The following PTPRD variants were observed in gnomAD, a reference collection of about 807,000 sequenced individuals.
The protein encoded by PTPRD is protein tyrosine phosphatase receptor type D.
Under a neutral mutation model 214.5 loss-of-function variants are expected in PTPRD, and 34 were observed. That is an observed-to-expected ratio of 0.16 (90% CI 0.12 to 0.21). PTPRD has a LOEUF of 0.21. PTPRD is among the 10% of genes least tolerant of loss of function. The pLI, the probability that PTPRD is intolerant of heterozygous loss-of-function variation, is 1.00. For synonymous variants in PTPRD, 1,128 were observed against 845.7 expected (o/e 1.33, Z -5.79); for missense variants, 2,545 against 2,398.7 (o/e 1.06, Z -1.27).
At position 9,489,098 on chromosome 9, in the gene PTPRD, T is replaced by C. The variant is rs894077869; in HGVS notation, c.-237+85634A>G. 3.3e-5 allele frequency among the ~76,000 whole-genome samples: 5 copies of C among 152,038 alleles called. No homozygotes were observed. The South Asian group carries it at 6.2e-4, about 19-fold the overall frequency. On this transcript the variant is annotated intron_variant, in intron 8 of 45. Coordinates refer to ENST00000381196, the MANE Select transcript of PTPRD (RefSeq NM_002839.4). ...CCATTTTTCTCTTTTAAAAGCCTTA[T>C]GAAAAGATTAGGGCATTCATAAATA...
chr9:10,528,731 C>T (rs1243574909), intron 2 of PTPRD, among the ~76,000 whole-genome samples: 1 of 152,140 alleles, frequency 6.6e-6, no homozygotes, highest in Non-Finnish European at 1.5e-5. Flanking sequence ...ATCCTGACTT[C>T]TTCTGAAGGC....
In PTPRD at chr9:10,271,740, A is replaced by G. The variant is rs570976653; in HGVS notation, c.-545+69223T>C. 2.6e-5 allele frequency among the ~76,000 whole-genome samples: 4 copies of G among 151,904 alleles called. No homozygotes were observed. In the South Asian group the frequency reaches 6.3e-4, roughly 24 times the overall value. ...GTGTTTTTAGTAGAGATGAGGTTTCACCATGTTGGCCAGGCTGGTCTCGAA... is the reference window on the plus strand; with the variant it reads ...GTGTTTTTAGTAGAGATGAGGTTTCGCCATGTTGGCCAGGCTGGTCTCGAA... On this transcript the variant is annotated intron_variant, in intron 3 of 45. Transcript: ENST00000381196.
At chr9:10,600,410 T>C (rs2077665938) in intron 2 of PTPRD, among the ~76,000 whole-genome samples, 1 of 151,756 alleles carries the variant, frequency 6.6e-6, no homozygotes, top group Non-Finnish European at 1.5e-5. Context: ...GTACACCCAA[T>C]TTCTTAAGAT....
At chr9:9,704,529 C>T (rs2097562529) in intron 7 of PTPRD, among the ~76,000 whole-genome samples, 1 of 152,152 alleles carries the variant, frequency 6.6e-6, no homozygotes, top group African/African-American at 2.4e-5. Context: ...GGGTCCAATT[C>T]CCCTTACCTT....
At chr9:8,838,616 A>ATT (rs374424763) in intron 11 of PTPRD, among the ~76,000 whole-genome samples, 2 of 149,878 alleles carry the variant, frequency 1.3e-5, no homozygotes, top group African/African-American at 2.4e-5. Flanking sequence ...AGTTTGACAG[A>ATT]TTTTTTTTTT....
intron 11 of PTPRD, among the ~76,000 whole-genome samples, chr9:8,982,017 A>G (rs2154340871): frequency 6.6e-6 from 1 of 152,182 alleles, no homozygotes; most frequent in African/African-American, 2.4e-5. Flanking sequence ...AAGTTAAGGT[A>G]TGGGTAAGAA....
chr9:8,386,976 G>C lies in PTPRD; in HGVS notation c.4386+2256C>G, dbSNP rs2087319120. ...TGGACTGGAGAACAAAGGACTTTTG[G>C]GCCTTGGGGTCCAGGGCTCATGTGT... On this transcript the variant is annotated intron_variant, in intron 37 of 45. Coordinates refer to ENST00000381196, the MANE Select transcript of PTPRD (RefSeq NM_002839.4). 2.0e-5 allele frequency among the ~76,000 whole-genome samples: 3 copies of C among 152,052 alleles called. No homozygotes were observed. In the East Asian group the frequency reaches 5.8e-4, roughly 29 times the overall value.
chr9:9,867,175 G>T (rs76795218), intron 5 of PTPRD, among the ~76,000 whole-genome samples: 1,843 of 152,164 alleles, frequency 0.012, 37 homozygotes, highest in African/African-American at 0.042. Flanking sequence ...AACTGGTAAG[G>T]ATTAAGGATT....
At chr9:10,137,468 G>A (rs1244318364) in intron 3 of PTPRD, among the ~76,000 whole-genome samples, 1 of 55,398 alleles carries the variant, frequency 1.8e-5, no homozygotes, top group African/African-American at 8.0e-5. Context: ...ACCAAACACC[G>A]CATATTCTCA....
At chr9:10,247,023 T>C (rs2092222349) in intron 3 of PTPRD, among the ~76,000 whole-genome samples, 1 of 152,154 alleles carries the variant, frequency 6.6e-6, no homozygotes, top group African/African-American at 2.4e-5. Flanking sequence ...TAACTTTGTT[T>C]AAAAATACAG....
intron 9 of PTPRD, among the ~76,000 whole-genome samples, chr9:9,220,143 A>C (rs1194010220): frequency 1.3e-5 from 2 of 152,080 alleles, no homozygotes; most frequent in Non-Finnish European, 2.9e-5. Context: ...ATTTGGATGA[A>C]AATAAATCAT....
At chr9:9,376,895 T>C (rs114052083) in intron 9 of PTPRD, among the ~76,000 whole-genome samples, 1,649 of 151,922 alleles carry the variant, frequency 0.011, 33 homozygotes, top group African/African-American at 0.038. Context: ...CCCATCTTAA[T>C]AGACACTAAG....
intron 35 of PTPRD, among the ~76,000 whole-genome samples, chr9:8,423,027 G>C (rs940428187): frequency 6.6e-6 from 1 of 152,150 alleles, no homozygotes; most frequent in Non-Finnish European, 1.5e-5. Context: ...CTCGACCTAA[G>C]CCTGCAGGGA....
At chr9:8,791,153 T>C (rs993482813) in intron 11 of PTPRD, among the ~76,000 whole-genome samples, 7 of 152,138 alleles carry the variant, frequency 4.6e-5, no homozygotes, top group African/African-American at 1.7e-4. Flanking sequence ...GAAATTAAAA[T>C]GGTAAACATG....
Position 9,167,029 on chromosome 9 carries a change from A to T in PTPRD, c.-143+16275T>A, listed in dbSNP as rs115336372. 3.4e-3 allele frequency among the ~76,000 whole-genome samples: 513 copies of T among 152,144 alleles called. 5 individuals carry two copies. The highest frequency in any genetic ancestry group is 0.011 in the African/African-American group (470 of 41,518). Reference sequence around the variant, plus strand: ...ACTAAGTCTTATCTTAATCATTTCAACTCAGTGAGAAAAAAAACTAAAGCC... The same window carrying T: ...ACTAAGTCTTATCTTAATCATTTCATCTCAGTGAGAAAAAAAACTAAAGCC... On this transcript the variant is annotated intron_variant, in intron 10 of 45. Transcript: ENST00000381196.
chr9:10,452,478 A>G (rs1163312154), intron 2 of PTPRD, among the ~76,000 whole-genome samples: 2 of 151,760 alleles, frequency 1.3e-5, no homozygotes, highest in Non-Finnish European at 3.0e-5. Flanking sequence ...CACTCTCACC[A>G]AAACTTGTTA....
At chr9:9,243,112 A>C (rs2099971215) in intron 9 of PTPRD, among the ~76,000 whole-genome samples, 1 of 152,048 alleles carries the variant, frequency 6.6e-6, no homozygotes, top group Admixed American at 6.6e-5. Context: ...TCAACACCAG[A>C]CCCTGTTTGC....
At position 9,921,384 on chromosome 9, in the gene PTPRD, A is replaced by C. The variant is rs140255101; in HGVS notation, c.-368+17123T>G. 3.0e-3 allele frequency among the ~76,000 whole-genome samples: 459 copies of C among 152,160 alleles called. 4 individuals are homozygous for C. Among genetic ancestry groups the C allele is most frequent in the African/African-American group, 0.01 (421 of 41,554 alleles). On this transcript the variant is annotated intron_variant, in intron 5 of 45. Transcript: ENST00000381196. ...TTAATTAAGAATGTGTCCTTAATTCATTCCTAACATAAATTCTCACATGAA... is the reference window on the plus strand; with the variant it reads ...TTAATTAAGAATGTGTCCTTAATTCCTTCCTAACATAAATTCTCACATGAA...
At chr9:9,293,912 T>A (rs556497859) in intron 9 of PTPRD, among the ~76,000 whole-genome samples, 1 of 151,766 alleles carries the variant, frequency 6.6e-6, no homozygotes, top group African/African-American at 2.4e-5. Flanking sequence ...CAGTTTTTTT[T>A]AAACCTAAAG....
Sources: gnomAD v4.1 joint callset for allele counts (sites outside exome capture counted in the v4.1 genomes callset) on GRCh38, gnomAD v4.1.1 for gene constraint, MANE v1.5 for transcripts, NCBI Gene and HGNC (gene_info 2026-07-23, HGNC 2026-07-21) for gene names.